Variants in GALNT2 observed in about 807,000 individuals in gnomAD.
The protein encoded by GALNT2 is UDP-GalNAc:polypeptide N-acetylgalactosaminyltransferase 2.
In GALNT2, 31 loss-of-function variants were observed where a neutral mutation model predicts 81.4. The observed-to-expected ratio is 0.38, with a 90% CI of 0.29 to 0.51. GALNT2 has a LOEUF of 0.51. Ranked by LOEUF, GALNT2 falls within the 20% of genes least tolerant of loss-of-function variation. The probability of loss-of-function intolerance (pLI) is 0.87; values close to 1 mark genes in which losing one functional copy is unlikely to be tolerated. For synonymous variants in GALNT2, 303 were observed against 287.4 expected, an observed-to-expected ratio of 1.05 and a Z score of -0.55; for missense variants, 629 against 765.7, an observed-to-expected ratio of 0.82 and a Z score of 2.11.
At chr1:230,140,356 C>T (rs1661691117) in intron 1 of GALNT2, among the ~76,000 whole-genome samples, 1 of 152,206 alleles carries the variant, frequency 6.6e-6, no homozygotes, top group Admixed American at 6.5e-5. Context: ...AGTTGGATTC[C>T]TACCCCTGCC....
At chr1:230,156,248 TG>T (rs1558114313) in intron 1 of GALNT2, among the ~76,000 whole-genome samples, 4 of 143,656 alleles carry the variant, frequency 2.8e-5, no homozygotes, top group Non-Finnish European at 6.1e-5. Context: ...AGAGAGAGTG[TG>T]TGTGTGTGTG....
intron 14 of GALNT2, among the ~76,000 whole-genome samples, chr1:230,266,989 GAC>G (rs35956776): frequency 0.081 from 11,848 of 146,582 alleles, 744 homozygotes; most frequent in East Asian, 0.25. Flanking sequence ...GCACGTGTGT[GAC>G]ACACACACAC....
In GALNT2 at chr1:230,243,574, A is replaced by C; in HGVS notation, c.729+147A>C. On this transcript the variant is annotated intron_variant, in intron 7 of 15. Coordinates refer to ENST00000366672, the MANE Select transcript of GALNT2 (RefSeq NM_004481.5). This position sits in a 1 kb window ranked among gnomAD's most constrained non-coding sequence, Gnocchi z 4.2. ...AGCTCGCCGTCTGCAGTTTTCCTTG[A>C]TAGAAGGAAAATGCCTTTGGGGCAT... 2 of 1,022,952 alleles carry C rather than the reference A, an allele frequency of 2.0e-6. No homozygotes were observed. The highest frequency in any genetic ancestry group is 2.7e-6 in the Non-Finnish European group (2 of 741,656). The allele number at this position is 1,022,952 out of a possible 1,614,324, so 63.4% of individuals were successfully genotyped here. A position where few individuals can be genotyped will look rare whatever the true frequency, so the allele number is the denominator to read the frequency against.
rs11430880 is a variant in GALNT2, at chr1:230,121,948, CTTTTT to C, written c.126+54557_126+54561del. ...TGTAGTTTATTTAAATACTGTTATG[CTTTTT>C]TTTTTTTTTTTTTTCAAGGGACAGG... On this transcript the variant is annotated intron_variant, in intron 1 of 15. Transcript: ENST00000366672. Among the ~76,000 whole-genome samples the C allele has an allele frequency of 2.9e-5, 3 of 104,012 alleles. No homozygotes were observed. The South Asian group carries it at 1.0e-3, about 35-fold the overall frequency. 68.2% of individuals were successfully genotyped at this position (104,012 alleles called of 152,430 possible).
intron 1 of GALNT2, among the ~76,000 whole-genome samples, chr1:230,072,384 G>A (rs1188190256): frequency 1.2e-4 from 18 of 151,960 alleles, no homozygotes; most frequent in Admixed American, 1.1e-3. Context: ...GGGGTGCGGT[G>A]AGGCTGCCTG....
At position 230,246,215 on chromosome 1, in the gene GALNT2, C is replaced by T; in HGVS notation, c.817+65C>T. On this transcript the variant is annotated intron_variant, in intron 8 of 15. Coordinates refer to ENST00000366672, the MANE Select transcript of GALNT2 (RefSeq NM_004481.5). The stretch of plus-strand genomic sequence containing the variant: ...TCTACACCAGCATCTGATCACCACT[C>T]CCTCTCATTGTCAGGAGTGACAGTG... 2.5e-6 allele frequency: 3 copies of T among 1,195,916 alleles called. No individual in the cohort carries two copies. The South Asian group carries it at 3.6e-5, about 15-fold the overall frequency. 74.1% of individuals were successfully genotyped at this position (1,195,916 alleles called of 1,614,324 possible). A position where few individuals can be genotyped will look rare whatever the true frequency, so the allele number is the denominator to read the frequency against.
At chr1:230,196,034 A>G (rs887786954) in intron 2 of GALNT2, among the ~76,000 whole-genome samples, 3 of 152,214 alleles carry the variant, frequency 2.0e-5, no homozygotes, top group African/African-American at 7.2e-5. Context: ...CCACAGCCAG[A>G]GGCACATTCC....
Position 230,094,439 on chromosome 1 carries a change from A to G in GALNT2, c.126+27033A>G, listed in dbSNP as rs528578338. On this transcript the variant is annotated intron_variant, in intron 1 of 15. Transcript: ENST00000366672. ...TACCTGAGCTCAGGAGTTTGAGACC[A>G]GCCTGGCCAACATAGTGAAACCCCC... Among the ~76,000 whole-genome samples, 19 of 152,238 alleles carry G rather than the reference A, an allele frequency of 1.2e-4. No homozygotes were observed. In the South Asian group the frequency reaches 3.5e-3, roughly 28 times the overall value.
At chr1:230,172,593 A>G (rs73111943) in intron 1 of GALNT2, among the ~76,000 whole-genome samples, 5,085 of 152,262 alleles carry the variant, frequency 0.033, 279 homozygotes, top group African/African-American at 0.11. Flanking sequence ...GCACGCATAG[A>G]TTCGATCAAT....
chr1:230,189,594 T>C (rs1034877542), intron 2 of GALNT2, among the ~76,000 whole-genome samples: 2 of 152,150 alleles, frequency 1.3e-5, no homozygotes, highest in African/African-American at 2.4e-5. Flanking sequence ...GACCCTTTGT[T>C]TTTCTAGGTG....
intron 1 of GALNT2, among the ~76,000 whole-genome samples, chr1:230,079,771 C>T (rs146843947): frequency 4.1e-4 from 62 of 152,278 alleles, no homozygotes; most frequent in Non-Finnish European, 7.6e-4. Context: ...TGAGGCTGGC[C>T]GTCATGAAAG....
chr1:230,224,684 G>C (rs74321622), intron 3 of GALNT2, among the ~76,000 whole-genome samples: 3 of 152,226 alleles, frequency 2.0e-5, no homozygotes, highest in Non-Finnish European at 4.4e-5. Context: ...GTGCCGAAGC[G>C]TGGAGTGTTT....
intron 3 of GALNT2, among the ~76,000 whole-genome samples, chr1:230,211,801 A>G (rs773823374): frequency 6.6e-6 from 1 of 152,170 alleles, no homozygotes; most frequent in Admixed American, 6.5e-5. Flanking sequence ...TTTACTCTGC[A>G]TCACACTCCT....
intron 6 of GALNT2, among the ~76,000 whole-genome samples, chr1:230,240,859 C>T (rs896592421): frequency 1.2e-4 from 19 of 152,018 alleles, no homozygotes; most frequent in African/African-American, 3.4e-4. Context: ...ATATGTTATA[C>T]CACTTGTTAT....
chr1:230,093,170 G>T (rs1485767340), intron 1 of GALNT2, among the ~76,000 whole-genome samples: 6 of 152,236 alleles, frequency 3.9e-5, no homozygotes, highest in Admixed American at 3.9e-4. Flanking sequence ...AAGCAAGAAA[G>T]GAAGCATGTT....
chr1:230,166,464 C>T lies in GALNT2; in HGVS notation c.127-11754C>T, dbSNP rs577699798. Among the ~76,000 whole-genome samples the T allele has an allele frequency of 2.0e-4, 31 of 152,302 alleles. No individual in the cohort carries two copies. The South Asian group carries it at 6.0e-3, about 30-fold the overall frequency. ...TCCCACGTGGGTCATATCATTTTAC[C>T]AACTTTGAAAGGATTTGTCAGGCCT... On this transcript the variant is annotated intron_variant, in intron 1 of 15. Coordinates refer to ENST00000366672, the MANE Select transcript of GALNT2 (RefSeq NM_004481.5).
rs765888501 is a variant in GALNT2 at position 230,250,500 on chromosome 1, T to C, written c.949T>C (p.Tyr317His). The change falls in exon 10 of 16, where the codon TAT becomes CAT. Residue 317 changes from tyrosine to histidine, a missense_variant. By Grantham distance (83) the Tyr-to-His change is moderately conservative. Transcript: ENST00000366672. ...AGGLFVMDKF[Y>H]FEELGKYDMM... The stretch of plus-strand genomic sequence containing the variant: ...TGGGCTGTTTGTGATGGATAAGTTC[T>C]ATTTTGAAGAACTGGGGAAGTACGA... The C allele has an allele frequency of 1.2e-6, 2 of 1,614,096 alleles. No individual in the cohort carries two copies. The highest frequency in any genetic ancestry group is 2.2e-5 in the East Asian group (1 of 44,880).
Position 230,275,195 on chromosome 1 carries a change from A to C in GALNT2, c.1560+631A>C, listed in dbSNP as rs1303027949. On this transcript the variant is annotated intron_variant, in intron 15 of 15. Coordinates refer to ENST00000366672, the MANE Select transcript of GALNT2 (RefSeq NM_004481.5). The surrounding 1 kb of genome is among the most constrained non-coding windows in gnomAD (Gnocchi z 5.5). ...CTGCCACATATATACATATATAAAC[A>C]CCACATATATATACATATGCATGCC... 6.6e-6 allele frequency among the ~76,000 whole-genome samples: 1 copy of C among 151,596 alleles called. No homozygotes were observed. The highest frequency in any genetic ancestry group is 1.5e-5 in the Non-Finnish European group (1 of 67,848).
At chr1:230,250,640 T>C (rs964694527) in intron 10 of GALNT2, 80 bp downstream of exon 10, 1 of 993,748 alleles carries the variant, frequency 1.0e-6, no homozygotes, top group East Asian at 2.4e-5. Context: ...AAAAAAAATT[T>C]AAAAGGCTTC....
Sources: allele counts gnomAD v4.1 joint callset (sites outside exome capture counted in the v4.1 genomes callset), GRCh38; gene constraint gnomAD v4.1.1; non-coding constraint Gnocchi (gnomAD v3.1); transcripts MANE v1.5; gene names NCBI Gene and HGNC (gene_info 2026-07-23, HGNC 2026-07-21).